Variants in GNB1 observed in about 807,000 individuals in gnomAD.
GNB1 encodes G protein subunit beta 1.
In GNB1, 2 loss-of-function variants were observed where a neutral mutation model predicts 42.9. That is an observed-to-expected ratio of 0.05 (90% confidence interval 0.02 to 0.15). The LOEUF (loss-of-function observed/expected upper bound fraction) is 0.15. Ranked by LOEUF, GNB1 falls within the 10% of genes least tolerant of loss-of-function variation. The pLI is 1.00. For missense variants in GNB1, 193 were observed against 462.2 expected, an observed-to-expected ratio of 0.42 and a Z score of 5.34; for synonymous variants, 183 against 174.7, an observed-to-expected ratio of 1.05 and a Z score of -0.38.
rs752532571 is a variant in GNB1 at position 1,825,415 on chromosome 1, T to C, written c.39A>G (p.Gln13=). The C allele has an allele frequency of 3.1e-6, 5 of 1,612,416 alleles. No individual in the cohort carries two copies. In the African/African-American group the frequency reaches 4.0e-5, roughly 13 times the overall value. Residue 13 remains glutamine, a synonymous_variant, in exon 3 of 12, where the codon CAA becomes CAG. Transcript: ENST00000378609. ...TACATACTCGAATCTGGTTCTTAAG[T>C]TGCTCGGCCTCCTGCCGTAACTGGT... ...ELDQLRQEAE[Q]LKNQIRDARK... is the part of the protein sequence containing the mutation.
intron 1 of GNB1, chr1:1,890,235 T>C (rs1650406165): frequency 6.6e-6 from 1 of 152,086 alleles, no homozygotes; most frequent in South Asian, 2.1e-4. Context: ...TATTTTCCCA[T>C]TTCCCGACGC....
intron 1 of GNB1, among the ~76,000 whole-genome samples, chr1:1,867,649 T>C (rs1649016205): frequency 6.6e-6 from 1 of 152,214 alleles, no homozygotes; most frequent in South Asian, 2.1e-4. Flanking sequence ...CTAAAAATAA[T>C]AACCCTTTAT....
Position 1,817,885 on chromosome 1 carries a change from A to G in GNB1, c.58-10T>C, listed in dbSNP as rs1379276313. ...ATGCTTTCCTGGCGTCCTGGGAAGC[A>G]AGGACAGTGAGAAATTAGCAACCTT... On this transcript the variant is annotated splice_polypyrimidine_tract_variant and intron_variant, in intron 3 of 11. Coordinates refer to ENST00000378609, the MANE Select transcript of GNB1 (RefSeq NM_002074.5). 6.2e-7 allele frequency: 1 copy of G among 1,607,342 alleles called. No homozygotes were observed. Among genetic ancestry groups the G allele is most frequent in the Non-Finnish European group, 8.5e-7 (1 of 1,173,836 alleles).
chr1:1,838,327 C>A (rs941737837), intron 2 of GNB1, among the ~76,000 whole-genome samples: 2 of 152,160 alleles, frequency 1.3e-5, no homozygotes, highest in Non-Finnish European at 2.9e-5. Flanking sequence ...AAACCATGTA[C>A]CCTCCTCACC....
At chr1:1,829,124 T>G (rs1002659121) in intron 2 of GNB1, among the ~76,000 whole-genome samples, 1 of 152,216 alleles carries the variant, frequency 6.6e-6, no homozygotes, top group Non-Finnish European at 1.5e-5. Flanking sequence ...TGATGCAATC[T>G]CTGCTCACTG....
At chr1:1,868,066 T>A (rs761646948) in intron 1 of GNB1, among the ~76,000 whole-genome samples, 2 of 152,236 alleles carry the variant, frequency 1.3e-5, no homozygotes, top group Admixed American at 1.3e-4. Flanking sequence ...TTCAAGCACA[T>A]GCATATAGGA....
In GNB1 at chr1:1,790,289, G is replaced by C; in HGVS notation, c.699+106C>G. On this transcript the variant is annotated intron_variant, in intron 9 of 11. Coordinates refer to ENST00000378609, the MANE Select transcript of GNB1 (RefSeq NM_002074.5). This position sits in a 1 kb window ranked among gnomAD's most constrained non-coding sequence, Gnocchi z 5.4. ...CCCATCTGTACATGAGGTTGTATAA[G>C]GATCAGAAAGGAGAACATCTAATCC... is the stretch of plus-strand genomic sequence containing the variant. 1 of 756,338 alleles carries C rather than the reference G, an allele frequency of 1.3e-6. No homozygotes were observed. Among genetic ancestry groups the C allele is most frequent in the Non-Finnish European group, 2.3e-6 (1 of 436,946 alleles). The allele number at this position is 756,338 out of a possible 1,614,324, so 46.9% of individuals were successfully genotyped here.
intron 1 of GNB1, among the ~76,000 whole-genome samples, chr1:1,876,957 G>A (rs924888315): frequency 3.9e-5 from 6 of 152,042 alleles, no homozygotes. Flanking sequence ...TTTCCAAGAT[G>A]AATGACATTT....
intron 1 of GNB1, among the ~76,000 whole-genome samples, chr1:1,849,207 T>G (rs573374809): frequency 6.6e-6 from 1 of 152,316 alleles, no homozygotes; most frequent in South Asian, 2.1e-4. Flanking sequence ...AGAGACTCCA[T>G]GGGGAGAGGG....
At chr1:1,811,586 C>T (rs1646780274) in intron 5 of GNB1, among the ~76,000 whole-genome samples, 1 of 151,386 alleles carries the variant, frequency 6.6e-6, no homozygotes, top group Non-Finnish European at 1.5e-5. Flanking sequence ...GTCCCAGCTA[C>T]TCGGGAGGCT....
chr1:1,863,394 C>T (rs1405799798), intron 1 of GNB1, among the ~76,000 whole-genome samples: 1 of 152,202 alleles, frequency 6.6e-6, no homozygotes, highest in African/African-American at 2.4e-5. Context: ...CCCACAGAAA[C>T]CTGACCAATT....
At chr1:1,876,428 G>A (rs1649547065) in intron 1 of GNB1, among the ~76,000 whole-genome samples, 1 of 151,840 alleles carries the variant, frequency 6.6e-6, no homozygotes, top group African/African-American at 2.4e-5. Flanking sequence ...TGGGACTACA[G>A]GTGTACACCA....
intron 1 of GNB1, among the ~76,000 whole-genome samples, chr1:1,858,401 T>C (rs1006104992): frequency 6.6e-6 from 1 of 152,218 alleles, no homozygotes; most frequent in Non-Finnish European, 1.5e-5. Flanking sequence ...ATATTCTGCA[T>C]GTTGGAGAGG....
chr1:1,793,090 C>T (rs1407642218), intron 8 of GNB1, among the ~76,000 whole-genome samples, 155 bp downstream of exon 8: 3 of 151,734 alleles, frequency 2.0e-5, no homozygotes, highest in African/African-American at 7.3e-5. Flanking sequence ...ATAATGAATT[C>T]ACACATTGCT....
intron 2 of GNB1, among the ~76,000 whole-genome samples, chr1:1,837,438 T>C (rs933968940): frequency 6.6e-6 from 1 of 151,986 alleles, no homozygotes; most frequent in Non-Finnish European, 1.5e-5. Flanking sequence ...GTATTTTCAG[T>C]AGAGACGGGG....
At chr1:1,846,442 C>T (rs769685291) in intron 1 of GNB1, among the ~76,000 whole-genome samples, 28 of 152,144 alleles carry the variant, frequency 1.8e-4, no homozygotes, top group Non-Finnish European at 3.8e-4. Context: ...TGGCTGGCAC[C>T]TGTAATCCCA....
intron 2 of GNB1, among the ~76,000 whole-genome samples, chr1:1,836,353 C>CT (rs1043221309): frequency 7.3e-6 from 1 of 136,488 alleles, no homozygotes; most frequent in Non-Finnish European, 1.6e-5. Context: ...TCACTTGCCT[C>CT]TTTTTTATTG....
intron 3 of GNB1, among the ~76,000 whole-genome samples, chr1:1,819,840 G>A (rs1646907935): frequency 6.6e-6 from 1 of 152,018 alleles, no homozygotes; most frequent in Non-Finnish European, 1.5e-5. Context: ...ACCATGCCCA[G>A]CTGACACTTT....
At chr1:1,798,054 C>A (rs985796325) in intron 7 of GNB1, among the ~76,000 whole-genome samples, 1 of 152,226 alleles carries the variant, frequency 6.6e-6, no homozygotes, top group African/African-American at 2.4e-5. Context: ...CAGCCCTGCA[C>A]CGAGGCATGC....
Sources: allele counts gnomAD v4.1 joint callset (sites outside exome capture counted in the v4.1 genomes callset), GRCh38; gene constraint gnomAD v4.1.1; non-coding constraint Gnocchi (gnomAD v3.1); transcripts MANE v1.5; gene names NCBI Gene and HGNC (gene_info 2026-07-23, HGNC 2026-07-21).